FAM118A: variants seen among roughly 807,000 people sequenced by gnomAD.
FAM118A encodes the protein SIR2 antiphage like 2, also known as protein FAM118A.
A neutral mutation model predicts 38.2 loss-of-function variants in FAM118A; 25 were observed. The ratio of observed to expected loss-of-function variants is 0.65; its 90% confidence interval spans 0.48 to 0.91. The LOEUF (loss-of-function observed/expected upper bound fraction) is 0.91, where lower values mean the gene tolerates loss of function less well. Among genes scored for constraint, FAM118A ranks in the 40% least tolerant of loss-of-function variants. The pLI, the probability that FAM118A is intolerant of heterozygous loss-of-function variation, is 0.00. For synonymous variants in FAM118A, 178 were observed against 184.1 expected (o/e 0.97, Z 0.27); for missense variants, 425 against 463.3 (o/e 0.92, Z 0.76).
At chr22:45,324,845 G>C (rs1055185500) in intron 3 of FAM118A, among the ~76,000 whole-genome samples, 1 of 152,220 alleles carries the variant, frequency 6.6e-6, no homozygotes, top group Non-Finnish European at 1.5e-5. Context: ...TCAGGAGTTT[G>C]AGACCAGCCT....
chr22:45,331,890 A>G (rs896814384), intron 5 of FAM118A, among the ~76,000 whole-genome samples: 1 of 113,408 alleles, frequency 8.8e-6, no homozygotes. Context: ...AGTCATGGTC[A>G]CTGATCCCCT....
At chr22:45,325,940 G>A (rs1365121277) in intron 3 of FAM118A, among the ~76,000 whole-genome samples, 3 of 152,134 alleles carry the variant, frequency 2.0e-5, no homozygotes, top group African/African-American at 7.2e-5. Context: ...GGAGATGTGG[G>A]GGTTGGCTGA....
intron 8 of FAM118A, among the ~76,000 whole-genome samples, chr22:45,339,396 T>C (rs1265639617): frequency 6.6e-6 from 1 of 152,098 alleles, no homozygotes; most frequent in Non-Finnish European, 1.5e-5. Context: ...AAGACTCCGT[T>C]TCAAAAAAGA....
At chr22:45,309,076 C>G (rs1239688278), upstream of FAM118A, 1 of 152,254 alleles carries the variant, frequency 6.6e-6, no homozygotes, top group Non-Finnish European at 1.5e-5. Context: ...TCGCAATACC[C>G]ACAAGGTAGG....
intron 8 of FAM118A, among the ~76,000 whole-genome samples, chr22:45,338,504 G>C (rs1232619012): frequency 5.3e-5 from 8 of 152,176 alleles, no homozygotes; most frequent in African/African-American, 1.9e-4. Flanking sequence ...TGGGATTATA[G>C]GCGTGAGCCA....
chr22:45,324,648 C>G (rs189440119), intron 3 of FAM118A, among the ~76,000 whole-genome samples: 13 of 152,336 alleles, frequency 8.5e-5, no homozygotes, highest in Admixed American at 2.0e-4. Context: ...TTCTGACAGG[C>G]GGCCACACCC....
At chr22:45,324,505 C>T (rs945547737) in intron 3 of FAM118A, among the ~76,000 whole-genome samples, 5 of 152,228 alleles carry the variant, frequency 3.3e-5, no homozygotes, top group Admixed American at 2.6e-4. Context: ...TAGGGCTGCA[C>T]CTAGCAGAGC....
chr22:45,335,359 G>A lies in FAM118A; in HGVS notation c.947G>A (p.Arg316His), dbSNP rs751355039. The change falls in exon 7 of 9, where the codon CGC (arginine) becomes CAC (histidine). Residue 316 changes from arginine (R) to histidine (H), a missense_variant. Arg to His is a conservative substitution (Grantham distance 29, BLOSUM62 0). Transcript: ENST00000441876. ...ICKQQSPDADRVDSTTLLGNA... is the reference protein window; with the variant it reads ...ICKQQSPDADHVDSTTLLGNA... ...TTTCTTTCTCCTTCAGATGCTGATC[G>A]CGTGGACAGCACCACATTATTGGGT... 89 of 1,614,082 alleles carry A rather than the reference G, an allele frequency of 5.5e-5. No homozygotes were observed. Among genetic ancestry groups the A allele is most frequent in the African/African-American group, 6.7e-5 (5 of 74,922 alleles).
intron 1 of FAM118A, among the ~76,000 whole-genome samples, chr22:45,313,391 C>T (rs1489007791): frequency 6.8e-6 from 1 of 146,822 alleles, no homozygotes; most frequent in African/African-American, 2.5e-5. Context: ...GGTGCGATCT[C>T]GGCTCACTGC....
chr22:45,330,850 C>A (rs1467608030), intron 5 of FAM118A, 119 bp downstream of exon 5: 1 of 1,183,098 alleles, frequency 8.5e-7, no homozygotes, highest in Non-Finnish European at 1.1e-6. Flanking sequence ...TCAGGTCGGC[C>A]CTGCACACAG....
rs772838968 is a variant in FAM118A at position 45,319,722 on chromosome 22, A to C, written c.-9-2649A>C. Among the ~76,000 whole-genome samples the C allele has an allele frequency of 3.8e-4, 58 of 152,314 alleles. No individual in the cohort carries two copies. The Middle Eastern group carries it at 0.01, about 27-fold the overall frequency. ...ATTATATTATACAGCGGAGAAACTC[A>C]ACTTCTGTTACTTTCCTTAGAAAGT... On this transcript the variant is annotated intron_variant, in intron 1 of 8. Transcript: ENST00000441876.
At chr22:45,327,317 C>T (rs185678849) in intron 3 of FAM118A, among the ~76,000 whole-genome samples, 25 of 152,198 alleles carry the variant, frequency 1.6e-4, no homozygotes, top group Non-Finnish European at 1.5e-5. Flanking sequence ...TTCATTACCA[C>T]CGAGAAAGAG....
chr22:45,336,434 G>A (rs750005028), intron 8 of FAM118A, 23 bp downstream of exon 8: 3 of 1,595,514 alleles, frequency 1.9e-6, no homozygotes, highest in Non-Finnish European at 2.6e-6. Context: ...TTCTTTTTGT[G>A]GGGAGCTGCC....
intron 4 of FAM118A, 120 bp from the exon 5 acceptor site, chr22:45,330,483 T>G (rs1293168072): frequency 5.3e-6 from 6 of 1,141,626 alleles, no homozygotes; most frequent in Non-Finnish European, 5.9e-6. Context: ...AAGTGAAGCA[T>G]CTCTCGATGA....
chr22:45,330,301 G>A (rs1019949181), intron 4 of FAM118A, among the ~76,000 whole-genome samples: 1 of 152,220 alleles, frequency 6.6e-6, no homozygotes, highest in African/African-American at 2.4e-5. Flanking sequence ...CTGAGTAGCT[G>A]GGATTATAGG....
intron 2 of FAM118A, among the ~76,000 whole-genome samples, chr22:45,322,904 A>T (rs917079316): frequency 6.6e-6 from 1 of 152,206 alleles, no homozygotes; most frequent in Non-Finnish European, 1.5e-5. Context: ...GTATCACTTA[A>T]ATTGAGCTTA....
chr22:45,327,853 T>C lies in FAM118A; in HGVS notation c.312T>C (p.Asp104=), dbSNP rs2085398347. The change falls in exon 4 of 9, where the codon GAT becomes GAC. Residue 104 remains aspartate, a synonymous_variant. Coordinates refer to ENST00000441876, the MANE Select transcript of FAM118A (RefSeq NM_017911.4). ...LIRKMSPRTG[D]AKPSFFQDCL... is the part of the protein sequence containing the mutation. The stretch of plus-strand genomic sequence containing the variant: ...CCACCTTTTTGTAGCGCACAGGCGA[T>C]GCCAAGCCCAGCTTCTTCCAGGACT... 2 of 1,614,268 alleles carry C rather than the reference T, an allele frequency of 1.2e-6. No homozygotes were observed. The highest frequency in any genetic ancestry group is 2.7e-5 in the African/African-American group (2 of 75,068).
At chr22:45,328,265 CAGA>C in intron 4 of FAM118A, 2 of 315,944 alleles carry the variant, frequency 6.3e-6, no homozygotes, top group African/African-American at 3.9e-4. Context: ...TGGCCGGCGG[CAGA>C]ACAAGCCCAT....
At chr22:45,320,401 G>A (rs1331885789) in intron 1 of FAM118A, among the ~76,000 whole-genome samples, 1 of 149,392 alleles carries the variant, frequency 6.7e-6, no homozygotes, top group Non-Finnish European at 1.5e-5. Flanking sequence ...AAACAAACAC[G>A]TAATTTTTCT....
Sources: gnomAD v4.1 joint callset for allele counts (sites outside exome capture counted in the v4.1 genomes callset) on GRCh38, gnomAD v4.1.1 for gene constraint, MANE v1.5 for transcripts, NCBI Gene and HGNC (gene_info 2026-07-23, HGNC 2026-07-21) for gene names.